MDGA2: variants seen among roughly 807,000 people sequenced by gnomAD.
MDGA2 encodes the protein MAM domain-containing glycosylphosphatidylinositol anchor protein 2.
MDGA2 carries 40 observed loss-of-function variants against 117.8 expected under a neutral mutation model. The ratio of observed to expected loss-of-function variants is 0.34; its 90% CI spans 0.26 to 0.44. MDGA2 has a LOEUF of 0.44. MDGA2 is among the 20% of genes least tolerant of loss of function. MDGA2 has a pLI of 1.00. For synonymous variants in MDGA2, 452 were observed against 439.0 expected (o/e 1.03, Z -0.37); for missense variants, 1,123 against 1,250.6 (o/e 0.90, Z 1.54).
chr14:47,109,756 G>C (rs564007466), intron 5 of MDGA2, among the ~76,000 whole-genome samples: 1 of 152,192 alleles, frequency 6.6e-6, no homozygotes, highest in South Asian at 2.1e-4. Flanking sequence ...GACCAACCTG[G>C]CCAACATGGC....
At chr14:47,611,369 A>T (rs1190206573) in intron 1 of MDGA2, among the ~76,000 whole-genome samples, 1 of 152,198 alleles carries the variant, frequency 6.6e-6, no homozygotes, top group Admixed American at 6.5e-5. Flanking sequence ...GGACTTAATT[A>T]ACCTAAAGAG....
At position 47,449,737 on chromosome 14, in the gene MDGA2, A is replaced by G. The variant is rs572061409; in HGVS notation, c.281-148187T>C. ...ACATAATCATGCAGAGCAAAAGCAA[A>G]GCTACCTAGGCAGACATCGACCAAC... On this transcript the variant is annotated intron_variant, in intron 1 of 16. Transcript: ENST00000399232. 5.3e-4 allele frequency among the ~76,000 whole-genome samples: 80 copies of G among 152,320 alleles called. 1 individual carries two copies. Among genetic ancestry groups the G allele is most frequent in the African/African-American group, 1.8e-3 (75 of 41,590 alleles).
chr14:47,315,726 A>T (rs999523229), intron 1 of MDGA2, among the ~76,000 whole-genome samples: 1 of 152,116 alleles, frequency 6.6e-6, no homozygotes, highest in African/African-American at 2.4e-5. Context: ...TGGCAAGGCC[A>T]CTTTTAGTGG....
At chr14:47,498,501 G>A (rs935051365) in intron 1 of MDGA2, among the ~76,000 whole-genome samples, 19 of 152,052 alleles carry the variant, frequency 1.2e-4, no homozygotes, top group African/African-American at 4.6e-4. Context: ...CTAATCTACT[G>A]TTAGTATATA....
intron 1 of MDGA2, among the ~76,000 whole-genome samples, chr14:47,440,598 T>C (rs1892987697): frequency 6.6e-6 from 1 of 152,126 alleles, no homozygotes; most frequent in Non-Finnish European, 1.5e-5. Flanking sequence ...CTAGTTGGTA[T>C]CTCTGGTAGA....
At chr14:47,593,318 T>C (rs1040594580) in intron 1 of MDGA2, among the ~76,000 whole-genome samples, 2 of 152,180 alleles carry the variant, frequency 1.3e-5, no homozygotes, top group Non-Finnish European at 2.9e-5. Flanking sequence ...TAGAAGACAA[T>C]GTGGCAATTC....
At chr14:47,053,719 T>C (rs1215452374) in intron 7 of MDGA2, among the ~76,000 whole-genome samples, 1 of 149,732 alleles carries the variant, frequency 6.7e-6, no homozygotes, top group Non-Finnish European at 1.5e-5. Flanking sequence ...GAATCCTTTG[T>C]CCAAATATAA....
chr14:47,378,150 G>C (rs537677832), intron 1 of MDGA2, among the ~76,000 whole-genome samples: 85 of 152,186 alleles, frequency 5.6e-4, no homozygotes, highest in Non-Finnish European at 1.0e-3. Flanking sequence ...TGAGGGTCCT[G>C]ACTGTTAGAA....
intron 3 of MDGA2, among the ~76,000 whole-genome samples, chr14:47,163,674 C>A (rs756502819): frequency 6.6e-6 from 1 of 152,130 alleles, no homozygotes; most frequent in African/African-American, 2.4e-5. Flanking sequence ...AGCATGAAAA[C>A]GGACTAATAC....
chr14:47,475,195 G>A (rs1394888441), intron 1 of MDGA2, among the ~76,000 whole-genome samples: 1 of 152,118 alleles, frequency 6.6e-6, no homozygotes, highest in Non-Finnish European at 1.5e-5. Context: ...CTTAAAAGAA[G>A]ATATTCATGT....
At chr14:47,315,016 AT>A (rs943597128) in intron 1 of MDGA2, among the ~76,000 whole-genome samples, 4 of 152,018 alleles carry the variant, frequency 2.6e-5, no homozygotes, top group Non-Finnish European at 5.9e-5. Flanking sequence ...GGAAAAGTTA[AT>A]TTTCTGATAT....
intron 1 of MDGA2, among the ~76,000 whole-genome samples, chr14:47,387,637 A>T (rs1238368290): frequency 6.6e-6 from 1 of 152,240 alleles, no homozygotes; most frequent in African/African-American, 2.4e-5. Flanking sequence ...AATTGTTTTG[A>T]AACATTTGAG....
intron 1 of MDGA2, chr14:47,305,193 G>T (rs1184726406): frequency 1.3e-5 from 2 of 152,068 alleles, no homozygotes; most frequent in African/African-American, 2.4e-5. Flanking sequence ...CAGTGCATTT[G>T]CTTACTTTAA....
intron 1 of MDGA2, among the ~76,000 whole-genome samples, chr14:47,467,873 C>T (rs8021138): frequency 0.062 from 9,460 of 152,114 alleles, 395 homozygotes; most frequent in Non-Finnish European, 0.096. Flanking sequence ...TAACTCTGTA[C>T]TTAAAACAAC....
At chr14:46,937,531 A>G (rs536076226) in intron 9 of MDGA2, among the ~76,000 whole-genome samples, 1 of 152,314 alleles carries the variant, frequency 6.6e-6, no homozygotes, top group African/African-American at 2.4e-5. Context: ...AAAGAAACAA[A>G]GCTGAAGGCG....
chr14:47,093,328 A>G (rs552098714), intron 6 of MDGA2, among the ~76,000 whole-genome samples: 1 of 152,276 alleles, frequency 6.6e-6, no homozygotes, highest in East Asian at 1.9e-4. Flanking sequence ...ACTAAAATAC[A>G]GTAATGTCTT....
chr14:46,974,134 T>G (rs1443429051), intron 8 of MDGA2, among the ~76,000 whole-genome samples: 1 of 152,076 alleles, frequency 6.6e-6, no homozygotes, highest in African/African-American at 2.4e-5. Context: ...GTAAAATATG[T>G]AAGAATTCAT....
intron 2 of MDGA2, among the ~76,000 whole-genome samples, chr14:47,226,024 C>T (rs1886482636): frequency 6.6e-6 from 1 of 151,842 alleles, no homozygotes; most frequent in Admixed American, 6.6e-5. Context: ...AGCAGTGGCT[C>T]ACGCCTGTTA....
chr14:47,349,390 C>T (rs2138343804), intron 1 of MDGA2, among the ~76,000 whole-genome samples: 1 of 152,214 alleles, frequency 6.6e-6, no homozygotes, highest in East Asian at 1.9e-4. Flanking sequence ...AAATGATAAC[C>T]ATCATTATTG....
Sources: allele counts gnomAD v4.1 joint callset (sites outside exome capture counted in the v4.1 genomes callset), GRCh38; gene constraint gnomAD v4.1.1; transcripts MANE v1.5; gene names NCBI Gene and HGNC (gene_info 2026-07-23, HGNC 2026-07-21).